The following CACNB2 variants were observed in gnomAD, a reference collection of about 807,000 sequenced individuals.
The protein encoded by CACNB2 is calcium voltage-gated channel auxiliary subunit beta 2, also known as voltage-dependent L-type calcium channel subunit beta-2.
Under a neutral mutation model 73.3 loss-of-function variants are expected in CACNB2, and 42 were observed. The observed-to-expected ratio is 0.57, with a 90% CI of 0.45 to 0.74. The LOEUF is 0.74. CACNB2 is among the 30% of genes least tolerant of loss of function. CACNB2 has a pLI of 0.00. For missense variants in CACNB2, 940 were observed against 853.0 expected, an observed-to-expected ratio of 1.10 and a Z score of -1.27; for synonymous variants, 348 against 310.3, an observed-to-expected ratio of 1.12 and a Z score of -1.28.
At chr10:18,153,802 G>A (rs1433895463) in intron 2 of CACNB2, among the ~76,000 whole-genome samples, 1 of 148,164 alleles carries the variant, frequency 6.7e-6, no homozygotes, top group African/African-American at 2.5e-5. Flanking sequence ...GGCTGGTCTC[G>A]AACTCCTGAC....
chr10:18,232,352 G>C (rs566367855), intron 2 of CACNB2, among the ~76,000 whole-genome samples: 1 of 152,132 alleles, frequency 6.6e-6, no homozygotes, highest in Non-Finnish European at 1.5e-5. Flanking sequence ...CAAGTAATTT[G>C]TTCACAGTTA....
At chr10:18,341,528 T>C (rs1368328064) in intron 2 of CACNB2, among the ~76,000 whole-genome samples, 2 of 152,202 alleles carry the variant, frequency 1.3e-5, no homozygotes, top group Non-Finnish European at 2.9e-5. Flanking sequence ...GGATTTGGTT[T>C]AGAACTTTTA....
chr10:18,262,948 A>G (rs1212350574), intron 2 of CACNB2, among the ~76,000 whole-genome samples: 1 of 152,254 alleles, frequency 6.6e-6, no homozygotes, highest in African/African-American at 2.4e-5. Context: ...GACTTGGTTC[A>G]TCTGCTCATT....
intron 2 of CACNB2, among the ~76,000 whole-genome samples, chr10:18,198,213 CAT>C (rs1001339512): frequency 1.5e-4 from 22 of 148,290 alleles, no homozygotes; most frequent in Admixed American, 1.4e-3. Flanking sequence ...AATATATTAA[CAT>C]ATATTAACTC....
intron 2 of CACNB2, among the ~76,000 whole-genome samples, chr10:18,162,595 A>T (rs1375765433): frequency 1.3e-5 from 2 of 152,236 alleles, no homozygotes; most frequent in Non-Finnish European, 2.9e-5. Flanking sequence ...TATTATTAAC[A>T]TCAGGGATCT....
At chr10:18,403,563 T>A (rs1415575262) in intron 3 of CACNB2, among the ~76,000 whole-genome samples, 2 of 152,224 alleles carry the variant, frequency 1.3e-5, no homozygotes, top group Non-Finnish European at 2.9e-5. Flanking sequence ...AGGTTTGGTT[T>A]TCAATTGTTA....
At chr10:18,340,095 C>A (rs906208822) in intron 2 of CACNB2, among the ~76,000 whole-genome samples, 3 of 152,000 alleles carry the variant, frequency 2.0e-5, no homozygotes, top group Non-Finnish European at 4.4e-5. Flanking sequence ...TTTCCATGTT[C>A]TTTTAGTTGT....
chr10:18,536,529 T>G (rs2053620900), intron 12 of CACNB2, among the ~76,000 whole-genome samples: 1 of 151,914 alleles, frequency 6.6e-6, no homozygotes, highest in Admixed American at 6.6e-5. Flanking sequence ...TCCAAAGTGC[T>G]AGGATTACAA....
chr10:18,322,659 G>A (rs1424286680), intron 2 of CACNB2, among the ~76,000 whole-genome samples: 1 of 152,066 alleles, frequency 6.6e-6, no homozygotes, highest in African/African-American at 2.4e-5. Context: ...GAATATGAAA[G>A]AAATAATGAC....
intron 2 of CACNB2, among the ~76,000 whole-genome samples, chr10:18,202,287 T>C (rs1346813548): frequency 6.6e-6 from 1 of 152,216 alleles, no homozygotes; most frequent in Non-Finnish European, 1.5e-5. Context: ...ACTGTGAAGG[T>C]TATCTTATGT....
At chr10:18,206,416 C>T (rs2035094778) in intron 2 of CACNB2, 1 of 152,452 alleles carries the variant, frequency 6.6e-6, no homozygotes, top group Non-Finnish European at 1.5e-5. Context: ...CCTGGGCATC[C>T]CTACTATGTC....
chr10:18,540,569 G>GTAA lies in CACNB2; in HGVS notation c.*847_*849dup, dbSNP rs1352514042. On this transcript the variant is annotated 3_prime_UTR_variant, in exon 14 of 14. Coordinates refer to ENST00000324631, the MANE Select transcript of CACNB2 (RefSeq NM_201596.3). ...TTATACCATCCTTGTAAGTAAGTTT[G>GTAA]TAATTTCCACCATAAATTATGGTAA... 1 of 152,544 alleles carries GTAA rather than the reference G, an allele frequency of 6.6e-6. No individual in the cohort carries two copies. Among genetic ancestry groups the GTAA allele is most frequent in the Non-Finnish European group, 1.5e-5 (1 of 68,036 alleles). The allele number at this position is 152,544 out of a possible 1,614,324, so 9.4% of individuals were successfully genotyped here.
intron 3 of CACNB2, among the ~76,000 whole-genome samples, chr10:18,450,252 T>G (rs2046951119): frequency 6.6e-6 from 1 of 152,210 alleles, no homozygotes; most frequent in Admixed American, 6.5e-5. Flanking sequence ...ATCACAGGGT[T>G]TGAGTTGAGG....
At chr10:18,494,631 CAAA>C (rs909672661) in intron 3 of CACNB2, among the ~76,000 whole-genome samples, 2 of 61,816 alleles carry the variant, frequency 3.2e-5, no homozygotes, top group Non-Finnish European at 3.5e-5. Flanking sequence ...GACTCCGTCT[CAAA>C]AAAAAAAAAA....
intron 2 of CACNB2, among the ~76,000 whole-genome samples, chr10:18,327,406 G>A (rs531838635): frequency 7.9e-5 from 12 of 152,016 alleles, no homozygotes; most frequent in South Asian, 4.2e-4. Flanking sequence ...TAAGTTGCCC[G>A]GTCATTTTTG....
At chr10:18,292,836 C>G (rs1168542454) in intron 2 of CACNB2, among the ~76,000 whole-genome samples, 2 of 152,092 alleles carry the variant, frequency 1.3e-5, no homozygotes, top group Non-Finnish European at 2.9e-5. Flanking sequence ...AAATGGATTC[C>G]TTTCTATTCT....
In CACNB2 at chr10:18,412,842, G is replaced by C. The variant is rs777458029; in HGVS notation, c.333+10799G>C. 2.6e-5 allele frequency among the ~76,000 whole-genome samples: 4 copies of C among 152,380 alleles called. No homozygotes were observed. The South Asian group carries it at 8.3e-4, about 32-fold the overall frequency. On this transcript the variant is annotated intron_variant, in intron 3 of 13. Coordinates refer to ENST00000324631, the MANE Select transcript of CACNB2 (RefSeq NM_201596.3). Reference sequence around the variant, plus strand: ...GACTGAGCTCTGTAGAGCCCCAAGAGATCCATGGATTCTTCTGGAGTCACT... The same window carrying C: ...GACTGAGCTCTGTAGAGCCCCAAGACATCCATGGATTCTTCTGGAGTCACT...
chr10:18,536,658 C>T (rs1358979238), intron 12 of CACNB2, among the ~76,000 whole-genome samples: 1 of 152,114 alleles, frequency 6.6e-6, no homozygotes, highest in Non-Finnish European at 1.5e-5. Context: ...GTAAACTGTC[C>T]TCCCTCCTTC....
chr10:18,350,673 C>A (rs1057249418), intron 2 of CACNB2, among the ~76,000 whole-genome samples: 4 of 152,192 alleles, frequency 2.6e-5, no homozygotes, highest in Non-Finnish European at 5.9e-5. Flanking sequence ...ACCTGGCAGG[C>A]CTTCATGCAG....
Sources: allele counts gnomAD v4.1 joint callset (sites outside exome capture counted in the v4.1 genomes callset), GRCh38; gene constraint gnomAD v4.1.1; transcripts MANE v1.5; gene names NCBI Gene and HGNC (gene_info 2026-07-23, HGNC 2026-07-21).